Variants in ZNF569 observed in about 807,000 individuals in gnomAD.
ZNF569 encodes the protein zinc finger protein 569.
Under a neutral mutation model 56.3 loss-of-function variants are expected in ZNF569, and 38 were observed. The observed-to-expected ratio is 0.68, with a 90% CI of 0.52 to 0.88. The LOEUF is 0.88. Ranked by LOEUF, ZNF569 falls within the 40% of genes least tolerant of loss-of-function variation. The pLI, the probability that ZNF569 is intolerant of heterozygous loss-of-function variation, is 0.00. For missense variants in ZNF569, 666 were observed against 809.2 expected (o/e 0.82, Z 2.15); for synonymous variants, 241 against 262.9 (o/e 0.92, Z 0.81).
Position 37,444,910 on chromosome 19 carries a change from G to A in ZNF569, c.12C>T (p.Ser4=). The stretch of plus-strand genomic sequence containing the variant: ...AAATACACTATTTAACATTTACCTG[G>A]GACTCAGTCATTTCCTCTTCTTTCT... MTE[S]QGTVTFKDVA... The change falls in exon 3 of 6, where the codon TCC becomes TCT. Residue 4 remains serine, a synonymous_variant. Transcript: ENST00000316950. 1 of 1,608,436 alleles carries A rather than the reference G, an allele frequency of 6.2e-7. No individual in the cohort carries two copies. The highest frequency in any genetic ancestry group is 8.5e-7 in the Non-Finnish European group (1 of 1,177,674).
intron 2 of ZNF569, among the ~76,000 whole-genome samples, chr19:37,445,379 TTA>T (rs1193924177): frequency 6.6e-6 from 1 of 152,160 alleles, no homozygotes; most frequent in Non-Finnish European, 1.5e-5. Context: ...TAAAAAGTTT[TTA>T]TGTGTGAGTA....
chr19:37,465,948 G>A (rs936474457), intron 1 of ZNF569, among the ~76,000 whole-genome samples: 3 of 152,222 alleles, frequency 2.0e-5, no homozygotes, highest in Non-Finnish European at 2.9e-5. Flanking sequence ...CATAATTTGT[G>A]ATTGTTTAAA....
intron 2 of ZNF569, among the ~76,000 whole-genome samples, chr19:37,463,682 CATT>C (rs1193327005): frequency 2.0e-5 from 3 of 152,248 alleles, no homozygotes; most frequent in Admixed American, 2.0e-4. Flanking sequence ...TTCCAGAAGA[CATT>C]ATTATCACAG....
chr19:37,449,720 T>C (rs1389649262), intron 2 of ZNF569, among the ~76,000 whole-genome samples: 1 of 152,084 alleles, frequency 6.6e-6, no homozygotes, highest in Non-Finnish European at 1.5e-5. Context: ...TTTATCTTTA[T>C]ATTTAAAATG....
At chr19:37,462,337 A>G (rs191065300) in intron 2 of ZNF569, among the ~76,000 whole-genome samples, 55 of 150,926 alleles carry the variant, frequency 3.6e-4, no homozygotes, top group African/African-American at 1.0e-3. Flanking sequence ...TTCTCTCTCT[A>G]CCGGATCATT....
chr19:37,419,527 G>T lies in ZNF569; in HGVS notation c.239-5108C>A, dbSNP rs552493801. On this transcript the variant is annotated intron_variant, in intron 5 of 5. Coordinates refer to ENST00000316950, the MANE Select transcript of ZNF569 (RefSeq NM_152484.3). ...ATTTGAGGTCAGGGGTTCAAGACCA[G>T]CCTGGCCAATATGGTGAAACCCTGT... is the stretch of plus-strand genomic sequence containing the variant. 2.1e-3 allele frequency among the ~76,000 whole-genome samples: 327 copies of T among 152,112 alleles called. 6 individuals are homozygous for T. Among genetic ancestry groups the T allele is most frequent in the Non-Finnish European group, 2.4e-3 (165 of 67,992 alleles).
intron 2 of ZNF569, among the ~76,000 whole-genome samples, chr19:37,459,889 T>C (rs1048086090): frequency 5.3e-5 from 8 of 152,144 alleles, no homozygotes; most frequent in African/African-American, 1.4e-4. Context: ...AAAGTGAATT[T>C]AGATTACTTA....
chr19:37,426,415 C>A (rs2041134655), intron 3 of ZNF569, 37 bp from the exon 4 acceptor site: 2 of 1,542,360 alleles, frequency 1.3e-6, no homozygotes, highest in African/African-American at 2.8e-5. Flanking sequence ...TGAAGTCATC[C>A]ATCTTGGGTG....
At chr19:37,452,526 A>T (rs2041611509) in intron 2 of ZNF569, among the ~76,000 whole-genome samples, 1 of 152,086 alleles carries the variant, frequency 6.6e-6, no homozygotes, top group African/African-American at 2.4e-5. Flanking sequence ...TTCTCTCATC[A>T]TCATTTTTAA....
At chr19:37,440,215 A>T (rs540634747) in intron 3 of ZNF569, among the ~76,000 whole-genome samples, 153 of 152,328 alleles carry the variant, frequency 1.0e-3, no homozygotes, top group African/African-American at 3.3e-3. Flanking sequence ...TAAAAATTAA[A>T]AAAACTAACA....
chr19:37,452,338 C>G (rs186956708), intron 2 of ZNF569, among the ~76,000 whole-genome samples: 11 of 152,208 alleles, frequency 7.2e-5, no homozygotes, highest in Admixed American at 5.2e-4. Context: ...ATTTACCCAC[C>G]ACCATTATGG....
intron 5 of ZNF569, among the ~76,000 whole-genome samples, chr19:37,416,197 C>G (rs1342435619): frequency 6.6e-6 from 1 of 151,000 alleles, no homozygotes; most frequent in African/African-American, 2.4e-5. Context: ...CACCACTGCT[C>G]TCTAGCCTGG....
At chr19:37,437,250 G>A (rs910316278) in intron 3 of ZNF569, among the ~76,000 whole-genome samples, 1 of 152,030 alleles carries the variant, frequency 6.6e-6, no homozygotes, top group Admixed American at 6.5e-5. Flanking sequence ...ATTTCAACTG[G>A]TGCTGAAAAA....
Position 37,412,703 on chromosome 19 carries a change from T to A in ZNF569, c.1955A>T (p.His652Leu). The change falls in exon 6 of 6, where the codon CAT (histidine) becomes CTT (leucine). Residue 652 changes from histidine (H) to leucine (L), a missense_variant. By Grantham distance (99) the His-to-Leu change is moderately conservative. Coordinates refer to ENST00000316950, the MANE Select transcript of ZNF569 (RefSeq NM_152484.3). ...AFSQISSLTLHMRKHTGEKPY... is the reference protein window; with the variant it reads ...AFSQISSLTLLMRKHTGEKPY... ...CTTCTCACCTGTATGTTTTCTCATA[T>A]GAAGGGTAAGAGATGAGATTTGAGA... The A allele has an allele frequency of 6.2e-7, 1 of 1,614,156 alleles. No individual in the cohort carries two copies. Among genetic ancestry groups the A allele is most frequent in the Non-Finnish European group, 8.5e-7 (1 of 1,179,972 alleles).
intron 2 of ZNF569, among the ~76,000 whole-genome samples, chr19:37,460,758 C>A (rs1325514591): frequency 6.6e-6 from 1 of 150,470 alleles, no homozygotes; most frequent in Non-Finnish European, 1.5e-5. Flanking sequence ...ACAGTGATAC[C>A]CTGTCTCAAA....
chr19:37,451,219 T>C (rs112024956), intron 2 of ZNF569, among the ~76,000 whole-genome samples: 5,339 of 151,848 alleles, frequency 0.035, 126 homozygotes, highest in Middle Eastern at 0.058. Flanking sequence ...GGATAACATG[T>C]TGAAACCCTG....
Position 37,412,876 on chromosome 19 carries a change from A to C in ZNF569, c.1782T>G (p.Ile594Met), listed in dbSNP as rs2040861084. Residue 594 changes from isoleucine (I) to methionine (M), a missense_variant, in exon 6 of 6, where the codon ATT (isoleucine) becomes ATG (methionine). By Grantham distance (10) the Ile-to-Met change is conservative. Coordinates refer to ENST00000316950, the MANE Select transcript of ZNF569 (RefSeq NM_152484.3). ...GKAFSQRTSLIVHMRGHTGEK... is the reference protein window; with the variant it reads ...GKAFSQRTSLMVHMRGHTGEK... ...CACCTGTATGGCCTCTCATGTGCAC[A>C]ATAAGGGAAGTTCTTTGAGAGAAGG... is the stretch of plus-strand genomic sequence containing the variant. The C allele has an allele frequency of 6.2e-7, 1 of 1,613,920 alleles. No individual in the cohort carries two copies. Among genetic ancestry groups the C allele is most frequent in the African/African-American group, 1.3e-5 (1 of 74,920 alleles).
intron 5 of ZNF569, among the ~76,000 whole-genome samples, chr19:37,424,708 C>T (rs1397097163): frequency 6.8e-5 from 10 of 147,144 alleles, no homozygotes; most frequent in East Asian, 2.1e-4. Flanking sequence ...CCCAGCTACT[C>T]GGGAGGCTGA....
At chr19:37,429,712 G>A (rs991359963) in intron 3 of ZNF569, among the ~76,000 whole-genome samples, 32 of 152,288 alleles carry the variant, frequency 2.1e-4, no homozygotes, top group Admixed American at 1.2e-3. Context: ...TTAAAGTCTG[G>A]ACTATTACAC....
Sources: gnomAD v4.1 joint callset for allele counts (sites outside exome capture counted in the v4.1 genomes callset) on GRCh38, gnomAD v4.1.1 for gene constraint, MANE v1.5 for transcripts, NCBI Gene and HGNC (gene_info 2026-07-23, HGNC 2026-07-21) for gene names.